The following ATRX variants were observed in gnomAD, a reference collection of about 807,000 sequenced individuals.
ATRX encodes chromatin remodeler ATRX.
ATRX carries 12 observed loss-of-function variants against 172.6 expected under a neutral mutation model. The ratio of observed to expected loss-of-function variants is 0.07; its 90% CI spans 0.04 to 0.11. ATRX has a LOEUF of 0.11. Ranked by LOEUF, ATRX falls within the 10% of genes least tolerant of loss-of-function variation. The probability of loss-of-function intolerance (pLI) is 1.00; values close to 1 mark genes in which losing one functional copy is unlikely to be tolerated. For missense variants in ATRX, 1,368 were observed against 1,767.4 expected, an observed-to-expected ratio of 0.77 and a Z score of 4.05; for synonymous variants, 674 against 594.7, an observed-to-expected ratio of 1.13 and a Z score of -1.94.
chrX:77,717,690 A>G (rs1426162574), intron 1 of ATRX, among the ~76,000 whole-genome samples: 6 of 111,443 alleles, frequency 5.4e-5, no homozygotes, highest in Non-Finnish European at 9.4e-5. Flanking sequence ...TAGGATTAAA[A>G]TATCATTTAA....
chrX:77,557,389 T>C, intron 30 of ATRX, 62 bp downstream of exon 30: 2 of 1,050,610 alleles, frequency 1.9e-6, no homozygotes, highest in Non-Finnish European at 2.7e-6. Context: ...AAATTTGATA[T>C]CAGTAGTAAA....
At chrX:77,664,117 A>G (rs193051681) in intron 11 of ATRX, among the ~76,000 whole-genome samples, 85 of 111,149 alleles carry the variant, frequency 7.6e-4, no homozygotes, top group African/African-American at 2.7e-3. Flanking sequence ...AAAAAAAAAA[A>G]TCATCTGTTT....
intron 5 of ATRX, among the ~76,000 whole-genome samples, chrX:77,696,016 C>T (rs1316246165): frequency 1.8e-5 from 2 of 111,828 alleles, no homozygotes; most frequent in East Asian, 2.8e-4. Flanking sequence ...GGCTATTGTT[C>T]CCTATTCTTA....
chrX:77,667,172 AG>A (rs2070291007), intron 10 of ATRX, among the ~76,000 whole-genome samples: 1 of 110,803 alleles, frequency 9.0e-6, no homozygotes, highest in Admixed American at 9.7e-5. Context: ...TGTCTGGCAC[AG>A]CACTTTTTTT....
chrX:77,523,514 ATT>A, intron 30 of ATRX, 113 bp from the exon 31 acceptor site: 1 of 746,137 alleles, frequency 1.3e-6, no homozygotes, highest in South Asian at 2.5e-5. Context: ...TGCTATATAT[ATT>A]TCTGATATAT....
rs2062691687 is a variant in ATRX, at chrX:77,505,551, G to A, written c.*2800C>T. 1 of 172,516 alleles carries A rather than the reference G, an allele frequency of 5.8e-6. No homozygotes were observed. Among genetic ancestry groups the A allele is most frequent in the Admixed American group, 8.0e-5 (1 of 12,440 alleles). The allele number at this position is 172,516 out of a possible 1,213,427, so 14.2% of individuals were successfully genotyped here. A position where few individuals can be genotyped will look rare whatever the true frequency, so the allele number is the denominator to read the frequency against. On this transcript the variant is annotated 3_prime_UTR_variant, in exon 35 of 35. Coordinates refer to ENST00000373344, the MANE Select transcript of ATRX (RefSeq NM_000489.6). ...GAGAGATCTCCCTTTACAGAATTTA[G>A]TATATAACAGATTCAATAACCAAAC...
intron 1 of ATRX, among the ~76,000 whole-genome samples, chrX:77,781,319 G>A (rs1156758964): frequency 9.2e-6 from 1 of 108,891 alleles, no homozygotes; most frequent in Non-Finnish European, 1.9e-5. Context: ...GCAGGTGCCT[G>A]TAGTCCCGGC....
chrX:77,691,611 G>T (rs1325230464), intron 6 of ATRX, among the ~76,000 whole-genome samples: 1 of 111,169 alleles, frequency 9.0e-6, no homozygotes, highest in Non-Finnish European at 1.9e-5. Flanking sequence ...CCGTATCTTT[G>T]TGTTATAATA....
At chrX:77,744,606 G>A (rs1557183881) in intron 1 of ATRX, among the ~76,000 whole-genome samples, 1 of 111,074 alleles carries the variant, frequency 9.0e-6, no homozygotes, top group African/African-American at 3.3e-5. Flanking sequence ...GGGTCACTGA[G>A]ATGCAAGAAA....
intron 28 of ATRX, among the ~76,000 whole-genome samples, chrX:77,562,479 T>C (rs2065053662): frequency 8.9e-6 from 1 of 112,042 alleles, no homozygotes; most frequent in African/African-American, 3.2e-5. Flanking sequence ...CATTTAATGT[T>C]GTCACTATTT....
intron 5 of ATRX, among the ~76,000 whole-genome samples, chrX:77,695,646 G>A (rs781853164): frequency 1.8e-5 from 2 of 111,071 alleles, no homozygotes; most frequent in Non-Finnish European, 1.9e-5. Flanking sequence ...CTAAGTAAGC[G>A]GTAGGCCCCT....
At chrX:77,741,037 TACAC>T (rs111437851) in intron 1 of ATRX, among the ~76,000 whole-genome samples, 53 of 99,240 alleles carry the variant, frequency 5.3e-4, no homozygotes, top group South Asian at 2.4e-3. Flanking sequence ...ACCCTGTCTC[TACAC>T]ACACACACAC....
At chrX:77,629,646 T>G (rs1346777332) in intron 19 of ATRX, among the ~76,000 whole-genome samples, 1 of 111,872 alleles carries the variant, frequency 8.9e-6, no homozygotes, top group Admixed American at 9.5e-5. Flanking sequence ...AAGGGTAATC[T>G]AGGTATTTAT....
At chrX:77,522,914 C>A (rs1449977811) in intron 31 of ATRX, among the ~76,000 whole-genome samples, 1 of 111,885 alleles carries the variant, frequency 8.9e-6, no homozygotes, top group Non-Finnish European at 1.9e-5. Flanking sequence ...AACCTCCAAA[C>A]ACTAAGCTCC....
chrX:77,682,419 C>T lies in ATRX; in HGVS notation c.2837G>A (p.Ser946Asn), dbSNP rs782623450. ...ACATGTTTTGGTTTTGAGATGCTTG[C>T]TCTTTTCTTTAGTTTCAGCAACTTT... Reference protein sequence around the residue: ...VRKVAETKEKSKHLKTKTCKK... With the variant: ...VRKVAETKEKNKHLKTKTCKK... Residue 946 changes from serine (S) to asparagine (N), a missense_variant, in exon 9 of 35, where the codon AGC (serine) becomes AAC (asparagine). Ser to Asn is a conservative substitution (Grantham distance 46). Transcript: ENST00000373344. 8.3e-7 allele frequency: 1 copy of T among 1,211,357 alleles called. No individual in the cohort carries two copies. The highest frequency in any genetic ancestry group is 1.1e-6 in the Non-Finnish European group (1 of 895,319).
intron 30 of ATRX, among the ~76,000 whole-genome samples, chrX:77,539,784 C>G (rs2063899157): frequency 8.9e-6 from 1 of 111,752 alleles, no homozygotes; most frequent in Admixed American, 9.6e-5. Context: ...TTTGTCACCA[C>G]CAGGCCTGCC....
At chrX:77,577,996 G>A (rs1422919451) in intron 27 of ATRX, among the ~76,000 whole-genome samples, 1 of 111,713 alleles carries the variant, frequency 9.0e-6, no homozygotes, top group African/African-American at 3.3e-5. Flanking sequence ...TCAACCCCCA[G>A]AAGTGGCCAC....
chrX:77,714,942 A>G (rs2073300976), intron 2 of ATRX, among the ~76,000 whole-genome samples: 1 of 111,966 alleles, frequency 8.9e-6, no homozygotes, highest in African/African-American at 3.2e-5. Flanking sequence ...CTACCTATTT[A>G]GCTTTCCCAT....
rs782447838 is a variant in ATRX, at chrX:77,747,313, CAGG to C, written c.21-30073_21-30071del. On this transcript the variant is annotated intron_variant, in intron 1 of 34. Transcript: ENST00000373344. ...CCAAGGCAGGCAGATCACCTAAGGT[CAGG>C]AGATCAGGACCAGCCTGGCCAACAT... Among the ~76,000 whole-genome samples the C allele has an allele frequency of 6.9e-4, 76 of 110,517 alleles. 1 individual carries two copies. The highest frequency in any genetic ancestry group is 2.5e-3 in the African/African-American group (75 of 30,402).
Sources: allele counts gnomAD v4.1 joint callset (sites outside exome capture counted in the v4.1 genomes callset), GRCh38; gene constraint gnomAD v4.1.1; transcripts MANE v1.5; gene names NCBI Gene and HGNC (gene_info 2026-07-23, HGNC 2026-07-21).